MEI4: variants seen among roughly 807,000 people sequenced by gnomAD.
MEI4 encodes the protein meiotic double-stranded break formation protein 4.
Under a neutral mutation model 31.4 loss-of-function variants are expected in MEI4, and 27 were observed. That is an observed-to-expected ratio of 0.86 (90% CI 0.63 to 1.19). The LOEUF (loss-of-function observed/expected upper bound fraction) is 1.19. Ranked by LOEUF, MEI4 falls within the 50% of genes most tolerant of loss-of-function variation. The probability of loss-of-function intolerance (pLI) is 0.00; values close to 1 mark genes in which losing one functional copy is unlikely to be tolerated. For missense variants in MEI4, 329 were observed against 398.9 expected (o/e 0.82, Z 1.49); for synonymous variants, 122 against 145.4 (o/e 0.84, Z 1.16).
intron 2 of MEI4, among the ~76,000 whole-genome samples, chr6:77,691,295 G>C (rs1173659952): frequency 2.0e-5 from 3 of 152,004 alleles, no homozygotes; most frequent in Admixed American, 6.6e-5. Flanking sequence ...CATAAAAGGA[G>C]GTGCTGTCCT....
At chr6:77,794,989 A>G (rs1454766612) in intron 3 of MEI4, among the ~76,000 whole-genome samples, 1 of 152,222 alleles carries the variant, frequency 6.6e-6, no homozygotes, top group Non-Finnish European at 1.5e-5. Flanking sequence ...GAATAAAAGA[A>G]GAAATAAAAA....
At chr6:77,764,045 C>T (rs1387050679) in intron 3 of MEI4, among the ~76,000 whole-genome samples, 1 of 152,094 alleles carries the variant, frequency 6.6e-6, no homozygotes, top group African/African-American at 2.4e-5. Flanking sequence ...ATTTCTTGAC[C>T]TCGTGATCTG....
intron 3 of MEI4, among the ~76,000 whole-genome samples, chr6:77,826,332 C>G (rs1769950896): frequency 6.6e-6 from 1 of 152,120 alleles, no homozygotes; most frequent in African/African-American, 2.4e-5. Flanking sequence ...TGACTTTGTT[C>G]TACACCCAGG....
intron 1 of MEI4, among the ~76,000 whole-genome samples, chr6:77,671,119 G>A (rs1409747091): frequency 4.8e-5 from 7 of 147,364 alleles, no homozygotes; most frequent in African/African-American, 1.0e-4. Flanking sequence ...GTGCAGTGGC[G>A]CAATCTCAGC....
intron 3 of MEI4, among the ~76,000 whole-genome samples, chr6:77,787,734 C>T (rs1768782653): frequency 6.6e-6 from 1 of 152,012 alleles, no homozygotes; most frequent in African/African-American, 2.4e-5. Context: ...CTAAAAATTA[C>T]CTGAAAAAAT....
chr6:77,783,839 A>C (rs937873475), intron 3 of MEI4, among the ~76,000 whole-genome samples: 3 of 152,172 alleles, frequency 2.0e-5, no homozygotes, highest in Admixed American at 1.3e-4. Context: ...TTTAAACAAA[A>C]TTTGTGTATG....
intron 3 of MEI4, among the ~76,000 whole-genome samples, chr6:77,790,422 T>G (rs1268720689): frequency 6.6e-6 from 1 of 151,836 alleles, no homozygotes; most frequent in African/African-American, 2.4e-5. Flanking sequence ...CATTGAATGA[T>G]AAAAAAGAAG....
rs904445857 is a variant in MEI4 at position 77,847,611 on chromosome 6, C to T, written c.900+18549C>T. On this transcript the variant is annotated intron_variant, in intron 4 of 4. Transcript: ENST00000684080. This position sits in a 1 kb window ranked among gnomAD's most constrained non-coding sequence, Gnocchi z 4.6. ...TGATGCAATCGAAACCTAATGCCTT[C>T]TATGAAGACTTCTCTAATCAGCATG... 2.0e-5 allele frequency among the ~76,000 whole-genome samples: 3 copies of T among 152,098 alleles called. No homozygotes were observed. Among genetic ancestry groups the T allele is most frequent in the Admixed American group, 6.6e-5 (1 of 15,266 alleles).
At chr6:77,767,526 C>G (rs1336297272) in intron 3 of MEI4, among the ~76,000 whole-genome samples, 2 of 152,028 alleles carry the variant, frequency 1.3e-5, no homozygotes, top group Non-Finnish European at 2.9e-5. Context: ...GAGACCCTGT[C>G]TCTACAAAAA....
rs886531654 is a variant in MEI4 at position 77,926,258 on chromosome 6, T to A, written c.*2912T>A. The stretch of plus-strand genomic sequence containing the variant: ...AGCTTATTTTGGATTTTTTAATTGC[T>A]GTAAACAAGTTGTCCTATCTATAAG... On this transcript the variant is annotated 3_prime_UTR_variant, in exon 5 of 5. Coordinates refer to ENST00000684080, the MANE Select transcript of MEI4 (RefSeq NM_001322247.2). The A allele has an allele frequency of 5.3e-5, 8 of 151,986 alleles. No individual in the cohort carries two copies. The highest frequency in any genetic ancestry group is 3.3e-4 in the Admixed American group (5 of 15,206). The allele number at this position is 151,986 out of a possible 1,614,324, so 9.4% of individuals were successfully genotyped here.
chr6:77,686,057 A>T (rs779518413), intron 1 of MEI4, among the ~76,000 whole-genome samples: 33 of 150,904 alleles, frequency 2.2e-4, no homozygotes, highest in Non-Finnish European at 4.0e-4. Context: ...AGAGTCTGGG[A>T]CCTCCCTCCC....
intron 4 of MEI4, among the ~76,000 whole-genome samples, chr6:77,922,352 T>A (rs1249902048): frequency 6.6e-6 from 1 of 151,722 alleles, no homozygotes; most frequent in African/African-American, 2.4e-5. Context: ...GAGGATCCAT[T>A]TCCTTGACTG....
chr6:77,680,683 TA>T (rs1768941036), intron 1 of MEI4, among the ~76,000 whole-genome samples: 1 of 152,194 alleles, frequency 6.6e-6, no homozygotes, highest in Non-Finnish European at 1.5e-5. Flanking sequence ...TATTTTAGGC[TA>T]GTGAAAGTAG....
intron 1 of MEI4, among the ~76,000 whole-genome samples, chr6:77,659,165 T>G (rs1254199290): frequency 6.6e-6 from 1 of 151,684 alleles, no homozygotes; most frequent in African/African-American, 2.4e-5. Context: ...AGAGCAATAG[T>G]GGAGGCAGAA....
chr6:77,883,941 C>A (rs974258299), intron 4 of MEI4, among the ~76,000 whole-genome samples: 2 of 151,026 alleles, frequency 1.3e-5, no homozygotes, highest in African/African-American at 2.4e-5. Flanking sequence ...TTTTTAAAAA[C>A]CTCCATACTG....
intron 4 of MEI4, among the ~76,000 whole-genome samples, chr6:77,881,115 CT>C (rs1771479045): frequency 6.8e-6 from 1 of 146,380 alleles, no homozygotes; most frequent in African/African-American, 2.5e-5. Flanking sequence ...CTATGTTGGC[CT>C]TTTTTAAATC....
chr6:77,703,852 A>G (rs935228781), intron 2 of MEI4, among the ~76,000 whole-genome samples: 3 of 152,138 alleles, frequency 2.0e-5, no homozygotes, highest in Non-Finnish European at 4.4e-5. Flanking sequence ...TGCATTTCTG[A>G]TACACTTCCA....
intron 2 of MEI4, among the ~76,000 whole-genome samples, chr6:77,750,770 C>T (rs1161937689): frequency 6.6e-6 from 1 of 152,084 alleles, no homozygotes; most frequent in Non-Finnish European, 1.5e-5. Flanking sequence ...ACCAAGCAGA[C>T]CTAACAGACA....
At chr6:77,773,527 A>G (rs1768366484) in intron 3 of MEI4, among the ~76,000 whole-genome samples, 1 of 152,064 alleles carries the variant, frequency 6.6e-6, no homozygotes, top group South Asian at 2.1e-4. Context: ...ATATACAAAA[A>G]TCAAATCACA....
Sources: allele counts gnomAD v4.1 joint callset (sites outside exome capture counted in the v4.1 genomes callset), GRCh38; gene constraint gnomAD v4.1.1; non-coding constraint Gnocchi (gnomAD v3.1); transcripts MANE v1.5; gene names NCBI Gene and HGNC (gene_info 2026-07-23, HGNC 2026-07-21).